CDH23: variants seen among roughly 807,000 people sequenced by gnomAD.
CDH23 encodes cadherin related 23.
In CDH23, 189 loss-of-function variants were observed where a neutral mutation model predicts 317.1. That is an observed-to-expected ratio of 0.60 (90% CI 0.53 to 0.67). The LOEUF is 0.67. CDH23 is among the 30% of genes least tolerant of loss of function. The pLI is 0.00. For synonymous variants in CDH23, 1,839 were observed against 1,876.8 expected (o/e 0.98, Z 0.52); for missense variants, 4,401 against 4,592.4 (o/e 0.96, Z 1.20).
At chr10:71,741,087 C>A in intron 37 of CDH23, 137 bp downstream of exon 37, 2 of 986,626 alleles carry the variant, frequency 2.0e-6, no homozygotes, top group Non-Finnish European at 3.2e-6. Flanking sequence ...GTGGCTCATT[C>A]GTAGTGATAG....
In CDH23 at chr10:71,810,512, C is replaced by T; in HGVS notation, c.9020C>T (p.Thr3007Ile). Residue 3007 changes from threonine to isoleucine, a missense_variant, in exon 62 of 70, where the codon ACA (threonine) becomes ATA (isoleucine). Thr to Ile is a moderately conservative substitution (Grantham distance 89). This residue lies in a region of CDH23 where 1,144 missense variants were observed against 1,138.2 expected (regional missense o/e 1.01). Transcript: ENST00000224721. ...DKKGRVNFAQ[T>I]ELLIHVVNRD... ...AAGGGCCGGGTGAACTTTGCGCAGA[C>T]AGAACTGCTTATCCACGTGGTGAAC... The T allele has an allele frequency of 6.2e-7, 1 of 1,614,042 alleles. No individual in the cohort carries two copies.
intron 2 of CDH23, among the ~76,000 whole-genome samples, chr10:71,445,681 A>G (rs1316159076): frequency 6.6e-6 from 1 of 152,058 alleles, no homozygotes; most frequent in Non-Finnish European, 1.5e-5. Context: ...CACTGCATCT[A>G]TACAAAAAAA....
At chr10:71,573,181 C>A (rs186043712) in intron 8 of CDH23, among the ~76,000 whole-genome samples, 137 of 152,298 alleles carry the variant, frequency 9.0e-4, no homozygotes, top group Non-Finnish European at 1.4e-3. Flanking sequence ...TGGGCAGTGA[C>A]CTGGTCAGTC....
Position 71,563,909 on chromosome 10 carries a change from C to A in CDH23, c.430-2833C>A, listed in dbSNP as rs538829622. Among the ~76,000 whole-genome samples the A allele has an allele frequency of 2.0e-5, 3 of 152,158 alleles. No individual in the cohort carries two copies. The East Asian group carries it at 5.8e-4, about 29-fold the overall frequency. On this transcript the variant is annotated intron_variant, in intron 6 of 69. Transcript: ENST00000224721. ...GATTACAGGCACGCACCACCACGCCCAGCTAATTTTTGTATTTTTAGTAGA... is the reference window on the plus strand; with the variant it reads ...GATTACAGGCACGCACCACCACGCCAAGCTAATTTTTGTATTTTTAGTAGA...
At chr10:71,534,867 A>G (rs1221429286) in intron 6 of CDH23, among the ~76,000 whole-genome samples, 2 of 152,190 alleles carry the variant, frequency 1.3e-5, no homozygotes, top group Non-Finnish European at 1.5e-5. Flanking sequence ...TTCTTGCTCT[A>G]AACTCCAGGC....
chr10:71,642,393 C>CAT, intron 11 of CDH23, among the ~76,000 whole-genome samples: 1 of 85,426 alleles, frequency 1.2e-5, no homozygotes, highest in African/African-American at 4.5e-5. Context: ...GGCCCGGCCT[C>CAT]TTTTTTTTTT....
intron 3 of CDH23, among the ~76,000 whole-genome samples, chr10:71,498,092 C>T (rs1455566801): frequency 1.3e-5 from 2 of 152,170 alleles, no homozygotes; most frequent in African/African-American, 4.8e-5. Context: ...TGCACTTTGG[C>T]CATTGATGCC....
rs876657760 is a variant in CDH23, at chr10:71,811,717, A to G, written c.9283A>G (p.Lys3095Glu). 1 of 1,605,382 alleles carries G rather than the reference A, an allele frequency of 6.2e-7. No homozygotes were observed. Among genetic ancestry groups the G allele is most frequent in the Non-Finnish European group, 8.5e-7 (1 of 1,175,862 alleles). ...CCCCTCTCTGCTTCTCTCCAGACACAAGAGGAAGCTCAAGGCCATTGTGGC... is the reference window on the plus strand; with the variant it reads ...CCCCTCTCTGCTTCTCTCCAGACACGAGAGGAAGCTCAAGGCCATTGTGGC... ...LMNWYYRTVH[K>E]RKLKAIVAGS... is the part of the protein sequence containing the mutation. Residue 3095 changes from lysine to glutamate, a missense_variant, in exon 65 of 70, where the codon AAG becomes GAG. By Grantham distance (56) the Lys-to-Glu change is moderately conservative. Around this residue, in one of 3 missense-constraint regions of CDH23, gnomAD observed 1,144 missense variants for 1,138.2 expected, o/e 1.01. Coordinates refer to ENST00000224721, the MANE Select transcript of CDH23 (RefSeq NM_022124.6).
chr10:71,671,002 C>T (rs1401564926), intron 14 of CDH23, among the ~76,000 whole-genome samples: 3 of 148,692 alleles, frequency 2.0e-5, no homozygotes, highest in African/African-American at 5.0e-5. Flanking sequence ...CACTGTCACA[C>T]AGGCTGGAGT....
At chr10:71,670,337 G>A (rs1564722126) in intron 14 of CDH23, among the ~76,000 whole-genome samples, 1 of 152,230 alleles carries the variant, frequency 6.6e-6, no homozygotes. Context: ...ACTAAATTGG[G>A]CAGAGATGTT....
At chr10:71,797,041 C>A in intron 48 of CDH23, 63 bp from the exon 49 acceptor site, 2 of 1,081,842 alleles carry the variant, frequency 1.8e-6, no homozygotes, top group Non-Finnish European at 2.8e-6. Flanking sequence ...CAGGAGCACC[C>A]CTGGGAAGGG....
chr10:71,723,228 G>A (rs1005559776), intron 28 of CDH23, among the ~76,000 whole-genome samples: 5 of 152,196 alleles, frequency 3.3e-5, no homozygotes, highest in Admixed American at 3.3e-4. Context: ...TTCCTGCACT[G>A]CCCTGGGGGG....
chr10:71,731,050 C>A (rs1320019358), intron 31 of CDH23, among the ~76,000 whole-genome samples: 1 of 152,234 alleles, frequency 6.6e-6, no homozygotes, highest in African/African-American at 2.4e-5. Flanking sequence ...GGGGCAGTAC[C>A]CTTCCTGTGC....
chr10:71,531,073 C>T (rs959665214), intron 6 of CDH23, among the ~76,000 whole-genome samples: 5 of 152,232 alleles, frequency 3.3e-5, no homozygotes, highest in African/African-American at 9.6e-5. Context: ...ATAGGCTTCC[C>T]TGCCATTTGC....
intron 4 of CDH23, among the ~76,000 whole-genome samples, 166 bp downstream of exon 4, chr10:71,510,390 G>A (rs936147337): frequency 2.6e-5 from 4 of 152,140 alleles, no homozygotes; most frequent in Non-Finnish European, 5.9e-5. Flanking sequence ...GCCAATGCTG[G>A]TGTCTGGACT....
At chr10:71,454,991 C>A (rs1020906484) in intron 3 of CDH23, among the ~76,000 whole-genome samples, 6 of 151,950 alleles carry the variant, frequency 3.9e-5, no homozygotes, top group Non-Finnish European at 8.8e-5. Context: ...GCTAATGAAG[C>A]AACACCTGGC....
At chr10:71,723,719 A>G (rs2132798643) in intron 28 of CDH23, among the ~76,000 whole-genome samples, 1 of 152,234 alleles carries the variant, frequency 6.6e-6, no homozygotes, top group Admixed American at 6.5e-5. Context: ...ATGTGGAGGG[A>G]TGGAACAGCC....
At chr10:71,744,327 G>A (rs1839805192) in intron 38 of CDH23, among the ~76,000 whole-genome samples, 1 of 152,202 alleles carries the variant, frequency 6.6e-6, no homozygotes, top group African/African-American at 2.4e-5. Flanking sequence ...CAGTCCTAGG[G>A]TCTCTCAGGG....
chr10:71,787,044 G>A (rs1003590248), intron 44 of CDH23, among the ~76,000 whole-genome samples: 2 of 152,166 alleles, frequency 1.3e-5, no homozygotes, highest in African/African-American at 2.4e-5. Context: ...AGGTTCTGAG[G>A]TTTGCGAGTG....
Sources: allele counts gnomAD v4.1 joint callset (sites outside exome capture counted in the v4.1 genomes callset), GRCh38; gene constraint gnomAD v4.1.1; regional missense constraint gnomAD v4.1.1; transcripts MANE v1.5; gene names NCBI Gene and HGNC (gene_info 2026-07-23, HGNC 2026-07-21).